Variants in OTOGL observed in about 807,000 individuals in gnomAD.
The protein encoded by OTOGL is otogelin-like protein.
OTOGL carries 285 observed loss-of-function variants against 318.5 expected under a neutral mutation model. That is an observed-to-expected ratio of 0.89 (90% CI 0.81 to 0.99). The LOEUF (loss-of-function observed/expected upper bound fraction) is 0.99, where lower values mean the gene tolerates loss of function less well. Among genes scored for constraint, OTOGL ranks in the 50% least tolerant of loss-of-function variants. The pLI, the probability that OTOGL is intolerant of heterozygous loss-of-function variation, is 0.00. For missense variants in OTOGL, 2,899 were observed against 2,845.6 expected (o/e 1.02, Z -0.43); for synonymous variants, 987 against 936.5 (o/e 1.05, Z -0.99).
At chr12:80,125,450 T>C (rs551374729) in intron 1 of OTOGL, among the ~76,000 whole-genome samples, 9 of 152,350 alleles carry the variant, frequency 5.9e-5, no homozygotes, top group African/African-American at 1.2e-4. Flanking sequence ...CAGTATTTTA[T>C]TGAGGATTTT....
At chr12:80,184,429 AT>A (rs1220009148) in intron 1 of OTOGL, among the ~76,000 whole-genome samples, 2 of 152,132 alleles carry the variant, frequency 1.3e-5, no homozygotes, top group Non-Finnish European at 2.9e-5. Context: ...TAAAAGACGT[AT>A]TTTTTTCTCT....
At chr12:80,176,472 T>C (rs958980733) in intron 1 of OTOGL, among the ~76,000 whole-genome samples, 81 of 152,192 alleles carry the variant, frequency 5.3e-4, no homozygotes, top group African/African-American at 1.9e-3. Context: ...TTAGTTTGCA[T>C]TTTCTAGGAT....
intron 11 of OTOGL, among the ~76,000 whole-genome samples, chr12:80,244,706 G>A (rs1297209780): frequency 2.0e-4 from 29 of 148,538 alleles, no homozygotes; most frequent in Non-Finnish European, 3.5e-4. Flanking sequence ...TGGGTCCAAT[G>A]GTATTTCTAG....
Position 80,339,262 on chromosome 12 carries a change from G to A in OTOGL, c.5048G>A (p.Cys1683Tyr). The change falls in exon 43 of 59, where the codon TGT becomes TAT. Residue 1683 changes from cysteine to tyrosine, a missense_variant and splice_region_variant. Cys to Tyr is a radical substitution (Grantham distance 194). Around this residue, in one of 3 missense-constraint regions of OTOGL, gnomAD observed 2,607 missense variants for 2,524.9 expected, o/e 1.03. Transcript: ENST00000547103. ...TTGTCATCCTACACAGAAGGACTCT[G>A]TGGTGAGCGCTGCCCTTCAAATCTT... The part of the protein sequence containing the change: ...FNLSSYTEGL[C>Y]GICNEDPDDD... 1 of 1,566,878 alleles carries A rather than the reference G, an allele frequency of 6.4e-7. No individual in the cohort carries two copies. Among genetic ancestry groups the A allele is most frequent in the Non-Finnish European group, 8.7e-7 (1 of 1,149,232 alleles).
chr12:80,296,682 T>TA, intron 26 of OTOGL, 145 bp from the exon 27 acceptor site: 2 of 564,294 alleles, frequency 3.5e-6, no homozygotes, highest in Non-Finnish European at 5.2e-6. Flanking sequence ...CATTGTTAGT[T>TA]AAAAATGACT....
At chr12:80,203,319 C>T (rs1424305658) in intron 1 of OTOGL, among the ~76,000 whole-genome samples, 2 of 152,006 alleles carry the variant, frequency 1.3e-5, no homozygotes, top group Admixed American at 6.6e-5. Flanking sequence ...ACTGCTTTTT[C>T]CATCTTCAAA....
chr12:80,310,630 CAATT>C lies in OTOGL; in HGVS notation c.3356_3359del (p.Ile1119AsnfsTer31). ...CAACAGTGTGAAAGTCCAGATGAAACAATTAAACCCTGTGAGGCACATCAAAACA... is the reference window on the plus strand; with the variant it reads ...CAACAGTGTGAAAGTCCAGATGAAACAAACCCTGTGAGGCACATCAAAACA... On this transcript the variant is annotated frameshift_variant, in exon 30 of 59. Transcript: ENST00000547103. LOFTEE classifies it high-confidence loss of function. 6.3e-7 allele frequency: 1 copy of C among 1,591,702 alleles called. No homozygotes were observed. Among genetic ancestry groups the C allele is most frequent in the Non-Finnish European group, 8.5e-7 (1 of 1,172,990 alleles).
chr12:80,123,137 A>ACT (rs1411845270), intron 1 of OTOGL, among the ~76,000 whole-genome samples: 1 of 151,372 alleles, frequency 6.6e-6, no homozygotes, highest in Non-Finnish European at 1.5e-5. Flanking sequence ...GCACCCAATA[A>ACT]CTCATCATTT....
At chr12:80,262,243 T>A in intron 19 of OTOGL, 150 bp downstream of exon 19, 1 of 832,002 alleles carries the variant, frequency 1.2e-6, no homozygotes, top group Non-Finnish European at 1.6e-6. Flanking sequence ...TTTTTTTGCT[T>A]AATATTATGC....
intron 9 of OTOGL, among the ~76,000 whole-genome samples, chr12:80,236,854 G>A (rs1325804201): frequency 1.2e-4 from 17 of 140,102 alleles, no homozygotes; most frequent in East Asian, 4.1e-4. Context: ...TTTCTCTGTC[G>A]CACAGGCTGG....
At chr12:80,326,328 C>T (rs1324408866) in intron 35 of OTOGL, among the ~76,000 whole-genome samples, 1 of 151,860 alleles carries the variant, frequency 6.6e-6, no homozygotes, top group Non-Finnish European at 1.5e-5. Context: ...TACTGTTATT[C>T]CTATTATCTA....
chr12:80,273,251 A>G (rs1883544966), intron 24 of OTOGL, among the ~76,000 whole-genome samples: 1 of 152,024 alleles, frequency 6.6e-6, no homozygotes, highest in Non-Finnish European at 1.5e-5. Context: ...GCCTTCTCCT[A>G]CAATATTGTT....
chr12:80,211,461 T>C (rs1278091535), intron 3 of OTOGL, among the ~76,000 whole-genome samples: 1 of 152,146 alleles, frequency 6.6e-6, no homozygotes, highest in African/African-American at 2.4e-5. Context: ...ATATATGCCT[T>C]AGTGAATTAT....
chr12:80,176,805 TA>T (rs1441629479), intron 1 of OTOGL, among the ~76,000 whole-genome samples: 6 of 152,124 alleles, frequency 3.9e-5, no homozygotes, highest in Non-Finnish European at 5.9e-5. Flanking sequence ...TAATTTTTTT[TA>T]AAAAAATTGT....
At chr12:80,339,387 A>G in intron 43 of OTOGL, 123 bp downstream of exon 43, 5 of 765,424 alleles carry the variant, frequency 6.5e-6, no homozygotes, top group Non-Finnish European at 1.0e-5. Context: ...TGTGATATTA[A>G]CTTTCAGTTC....
rs532591600 is a variant in OTOGL, at chr12:80,178,656, C to T, written c.-19-30757C>T. On this transcript the variant is annotated intron_variant, in intron 1 of 58. Transcript: ENST00000547103. ...ATGCTTACCACACAGTTTGTCCTCT[C>T]TCAGTTATCACTGTCCTGTGTTGCC... 1.5e-3 allele frequency among the ~76,000 whole-genome samples: 234 copies of T among 152,270 alleles called. 1 individual carries two copies. Among genetic ancestry groups the T allele is most frequent in the African/African-American group, 3.9e-3 (160 of 41,548 alleles).
rs1882969582 is a variant in OTOGL, at chr12:80,266,471, A to G, written c.2245A>G (p.Met749Val). The G allele has an allele frequency of 3.7e-6, 6 of 1,613,540 alleles. No individual in the cohort carries two copies. The highest frequency in any genetic ancestry group is 3.4e-6 in the Non-Finnish European group (4 of 1,179,674). ...SFCAVVCQKGMLYHHCSSFCL... is the reference protein window; with the variant it reads ...SFCAVVCQKGVLYHHCSSFCL... The stretch of plus-strand genomic sequence containing the variant: ...CTTAGCTGTGGTGTGCCAGAAGGGC[A>G]TGCTGTACCATCACTGTTCCTCGTT... Residue 749 changes from methionine (M) to valine (V), a missense_variant, in exon 21 of 59, where the codon ATG becomes GTG. Met to Val is a conservative substitution (Grantham distance 21, BLOSUM62 1). This residue lies in a region of OTOGL where 2,607 missense variants were observed against 2,524.9 expected (regional missense o/e 1.03). Coordinates refer to ENST00000547103, the MANE Select transcript of OTOGL (RefSeq NM_001378609.3).
rs912079419 is a variant in OTOGL, at chr12:80,228,079, T to G, written c.490-1178T>G. ...ACCTAGAACAGTGCCTGGTACATAA[T>G]AAATGATCAATACAATTTGCTGATT... On this transcript the variant is annotated intron_variant, in intron 7 of 58. Transcript: ENST00000547103. Among the ~76,000 whole-genome samples, 10 of 152,284 alleles carry G rather than the reference T, an allele frequency of 6.6e-5. No homozygotes were observed. In the South Asian group the frequency reaches 2.1e-3, roughly 32 times the overall value.
At chr12:80,157,143 G>A (rs1010427519) in intron 1 of OTOGL, among the ~76,000 whole-genome samples, 3 of 152,074 alleles carry the variant, frequency 2.0e-5, no homozygotes, top group Admixed American at 6.6e-5. Flanking sequence ...TAATTGAGGT[G>A]AGGTGATATC....
Sources: allele counts gnomAD v4.1 joint callset (sites outside exome capture counted in the v4.1 genomes callset), GRCh38; gene constraint gnomAD v4.1.1; regional missense constraint gnomAD v4.1.1; transcripts MANE v1.5; gene names NCBI Gene and HGNC (gene_info 2026-07-23, HGNC 2026-07-21).